USP11: variants seen among roughly 807,000 people sequenced by gnomAD.
USP11 encodes ubiquitin carboxyl-terminal hydrolase 11.
A neutral mutation model predicts 72.8 loss-of-function variants in USP11; 5 were observed. The ratio of observed to expected loss-of-function variants is 0.07; its 90% CI spans 0.04 to 0.14. The LOEUF (loss-of-function observed/expected upper bound fraction) is 0.14. USP11 is among the 10% of genes least tolerant of loss of function. USP11 has a pLI of 1.00. For synonymous variants in USP11, 368 were observed against 326.5 expected (o/e 1.13, Z -1.37); for missense variants, 480 against 794.7 (o/e 0.60, Z 4.76).
At position 47,239,901 on chromosome X, in the gene USP11, T is replaced by C. The variant is rs781669097; in HGVS notation, c.529T>C (p.Ser177Pro). Residue 177 changes from serine (S) to proline (P), a missense_variant, in exon 4 of 21, where the codon TCT (serine) becomes CCT (proline). Around this residue, in one of 5 missense-constraint regions of USP11, gnomAD observed 80 missense variants for 100.9 expected, o/e 0.79. Coordinates refer to ENST00000377107, the MANE Select transcript of USP11 (RefSeq NM_001371072.1). ...CACTGTTCAGTTCAGCCATACCGAT[T>C]CTATTGGTGAGTCTAAGGGTCACGC... is the stretch of plus-strand genomic sequence containing the variant. ...SHTVQFSHTD[S>P]IGLVLRTARE... 4 of 1,208,546 alleles carry C rather than the reference T, an allele frequency of 3.3e-6. No homozygotes were observed. Among genetic ancestry groups the C allele is most frequent in the Middle Eastern group, 2.3e-4 (1 of 4,345 alleles).
At position 47,248,224 on chromosome X, in the gene USP11, G is replaced by A. The variant is rs1197119187; in HGVS notation, c.*294G>A. 2.2e-5 allele frequency: 7 copies of A among 312,606 alleles called. No homozygotes were observed. The highest frequency in any genetic ancestry group is 1.2e-4 in the Admixed American group (2 of 16,673). 25.8% of individuals were successfully genotyped at this position (312,606 alleles called of 1,213,427 possible). ...CTCTCCTCAGCCCAGAGTGTTCTGC[G>A]TGGGTGGTGATGGGGGTTCACCTGA... On this transcript the variant is annotated 3_prime_UTR_variant, in exon 21 of 21. Transcript: ENST00000377107.
intron 7 of USP11, 111 bp from the exon 8 acceptor site, chrX:47,241,166 C>A: frequency 1.2e-6 from 1 of 834,578 alleles, no homozygotes; most frequent in South Asian, 2.7e-5. Context: ...TCCTCCCTTC[C>A]CCTTCTCTCT....
chrX:47,244,374 C>A, intron 13 of USP11, 124 bp from the exon 14 acceptor site: 1 of 804,380 alleles, frequency 1.2e-6, no homozygotes, highest in Non-Finnish European at 1.8e-6. Flanking sequence ...CCCTCTCACA[C>A]CTCAGATTCA....
rs746469514 is a variant in USP11 at position 47,241,457 on chromosome X, C to T, written c.1020+7C>T. ...TGTGCCACATGTGTTCAAGGTGTGA[C>T]TCAACCCTGGGCACCCCCGACCCCC... On this transcript the variant is annotated splice_region_variant and intron_variant, in intron 8 of 20. Coordinates refer to ENST00000377107, the MANE Select transcript of USP11 (RefSeq NM_001371072.1). The T allele has an allele frequency of 1.0e-5, 12 of 1,200,519 alleles. No individual in the cohort carries two copies. The highest frequency in any genetic ancestry group is 1.2e-5 in the Non-Finnish European group (11 of 888,765).
At position 47,242,673 on chromosome X, in the gene USP11, G is replaced by C; in HGVS notation, c.1536G>C (p.Gln512His). 8.3e-7 allele frequency: 1 copy of C among 1,211,433 alleles called. No individual in the cohort carries two copies. Among genetic ancestry groups the C allele is most frequent in the Non-Finnish European group, 1.1e-6 (1 of 894,971 alleles). ...GTCACCGCTTCTATAAGCTCTATCA[G>C]CTAGAGGAGCCTCTGAGCAGCATCT... ...VFSHRFYKLY[Q>H]LEEPLSSILD... is the part of the protein sequence containing the mutation. Residue 512 changes from glutamine (Q) to histidine (H), a missense_variant, in exon 12 of 21, where the codon CAG becomes CAC. Transcript: ENST00000377107.
chrX:47,246,498 G>C (rs1057132128), intron 17 of USP11, among the ~76,000 whole-genome samples: 2 of 111,869 alleles, frequency 1.8e-5, no homozygotes, highest in Non-Finnish European at 3.8e-5. Context: ...ATAGAGGTGG[G>C]CTCTAAAATA....
intron 1 of USP11, among the ~76,000 whole-genome samples, chrX:47,236,545 T>C (rs936328146): frequency 2.7e-5 from 3 of 112,591 alleles, no homozygotes; most frequent in African/African-American, 9.7e-5. Context: ...AATTCAAATC[T>C]GTAATAATAT....
chrX:47,241,813 A>C, intron 9 of USP11, 114 bp downstream of exon 9: 2 of 925,069 alleles, frequency 2.2e-6, no homozygotes, highest in Non-Finnish European at 2.9e-6. Context: ...AAGTTTCTCT[A>C]CCTGACCTCA....
In USP11 at chrX:47,240,407, A is replaced by G; in HGVS notation, c.638A>G (p.Asp213Gly). ...GAAGGCTCTTTGGATAGGTTGTATG[A>G]CACACACATCACGGTTCTCGATGCG... ...NSEGSLDRLY[D>G]THITVLDAAL... Residue 213 changes from aspartate (D) to glycine (G), a missense_variant, in exon 5 of 21, where the codon GAC becomes GGC. Coordinates refer to ENST00000377107, the MANE Select transcript of USP11 (RefSeq NM_001371072.1). 8.3e-7 allele frequency: 1 copy of G among 1,211,894 alleles called. No homozygotes were observed. Among genetic ancestry groups the G allele is most frequent in the Non-Finnish European group, 1.1e-6 (1 of 895,565 alleles).
chrX:47,241,896 C>T (rs1338481922), intron 9 of USP11, among the ~76,000 whole-genome samples, 186 bp from the exon 10 acceptor site: 1 of 111,870 alleles, frequency 8.9e-6, no homozygotes, highest in South Asian at 3.7e-4. Context: ...TAAACCCCAG[C>T]GCAGTCTCCT....
chrX:47,241,077 C>G (rs752833366), intron 7 of USP11, 200 bp from the exon 8 acceptor site: 9 of 558,034 alleles, frequency 1.6e-5, no homozygotes. Context: ...CATTTTCCCT[C>G]TTCTCTTCCC....
chrX:47,233,611 T>C (rs972740846), intron 1 of USP11: 2 of 745,200 alleles, frequency 2.7e-6, no homozygotes, highest in African/African-American at 2.3e-5. Flanking sequence ...CGGTTTCCGA[T>C]TGCTCCGGGG....
rs777884209 is a variant in USP11 at position 47,245,488 on chromosome X, G to T, written c.2270+6G>T. 16 of 1,137,110 alleles carry T rather than the reference G, an allele frequency of 1.4e-5. No individual in the cohort carries two copies. Among genetic ancestry groups the T allele is most frequent in the Non-Finnish European group, 1.9e-5 (16 of 828,271 alleles). 93.7% of individuals were successfully genotyped at this position (1,137,110 alleles called of 1,213,427 possible). ...CTGGAGAAGGAAAACCCCTGGTGAG[G>T]GGCCAGAGCGGGGCCTGTGTGTGGG... On this transcript the variant is annotated splice_donor_region_variant and intron_variant, in intron 17 of 20. Coordinates refer to ENST00000377107, the MANE Select transcript of USP11 (RefSeq NM_001371072.1).
At chrX:47,244,394 A>G in intron 13 of USP11, 104 bp from the exon 14 acceptor site, 1 of 954,998 alleles carries the variant, frequency 1.0e-6, no homozygotes, top group Non-Finnish European at 1.5e-6. Context: ...AGAACGGTTT[A>G]CATGTGGATC....
In USP11 at chrX:47,241,428, C is replaced by T; in HGVS notation, c.998C>T (p.Ser333Phe). ...VKQAWSGHHRSIVPHVFKNKV... is the reference protein window; with the variant it reads ...VKQAWSGHHRFIVPHVFKNKV... Reference sequence around the variant, plus strand: ...CAGGCGTGGTCTGGCCACCACCGCTCCATTGTGCCACATGTGTTCAAGGTG... The same window carrying T: ...CAGGCGTGGTCTGGCCACCACCGCTTCATTGTGCCACATGTGTTCAAGGTG... The change falls in exon 8 of 21, where the codon TCC becomes TTC. Residue 333 changes from serine to phenylalanine, a missense_variant. Physicochemically the swap from Ser to Phe is radical, Grantham distance 155 (BLOSUM62 -2). Transcript: ENST00000377107. The T allele has an allele frequency of 8.3e-7, 1 of 1,207,904 alleles. No individual in the cohort carries two copies. The highest frequency in any genetic ancestry group is 1.1e-6 in the Non-Finnish European group (1 of 893,545).
At chrX:47,240,008 C>A in intron 4 of USP11, 101 bp downstream of exon 4, 1 of 909,437 alleles carries the variant, frequency 1.1e-6, no homozygotes, top group Admixed American at 2.3e-5. Flanking sequence ...ACTGAGAAGG[C>A]ACTGGTCAGA....
At position 47,243,557 on chromosome X, in the gene USP11, G is replaced by A. The variant is rs1157335115; in HGVS notation, c.1745G>A (p.Arg582His). The change falls in exon 13 of 21, where the codon CGC becomes CAC. Residue 582 changes from arginine (R) to histidine (H), a missense_variant. Arg to His is a conservative substitution (Grantham distance 29, BLOSUM62 0). Transcript: ENST00000377107. ...CTCCTGGTATCAGTGCCCCGGGACCGCTTCACCTGGGAGGGCCTGTATAAC... is the reference window on the plus strand; with the variant it reads ...CTCCTGGTATCAGTGCCCCGGGACCACTTCACCTGGGAGGGCCTGTATAAC... Reference protein sequence around the residue: ...HPLLVSVPRDRFTWEGLYNVL... With the variant: ...HPLLVSVPRDHFTWEGLYNVL... 12 of 1,210,020 alleles carry A rather than the reference G, an allele frequency of 9.9e-6. No homozygotes were observed. The highest frequency in any genetic ancestry group is 5.9e-5 in the East Asian group (2 of 33,762).
chrX:47,240,211 T>C (rs2055394859), intron 4 of USP11, 94 bp from the exon 5 acceptor site: 2 of 1,112,852 alleles, frequency 1.8e-6, no homozygotes, highest in African/African-American at 1.8e-5. Flanking sequence ...TGGCCAAGCA[T>C]GTGAGGTCCG....
At chrX:47,243,285 A>G in intron 12 of USP11, 111 bp from the exon 13 acceptor site, 2 of 707,723 alleles carry the variant, frequency 2.8e-6, no homozygotes, top group Non-Finnish European at 4.1e-6. Context: ...ATAAATAAAT[A>G]AAAATAAAAA....
Sources: allele counts gnomAD v4.1 joint callset (sites outside exome capture counted in the v4.1 genomes callset), GRCh38; gene constraint gnomAD v4.1.1; regional missense constraint gnomAD v4.1.1; transcripts MANE v1.5; gene names NCBI Gene and HGNC (gene_info 2026-07-23, HGNC 2026-07-21).